Variants in PTPRN2 observed in about 807,000 individuals in gnomAD.
PTPRN2 encodes the protein receptor-type tyrosine-protein phosphatase N2.
PTPRN2 carries 74 observed loss-of-function variants against 118.8 expected under a neutral mutation model. That is an observed-to-expected ratio of 0.62 (90% CI 0.52 to 0.76). PTPRN2 has a LOEUF of 0.76. Ranked by LOEUF, PTPRN2 falls within the 30% of genes least tolerant of loss-of-function variation. PTPRN2 has a pLI of 0.00. For missense variants in PTPRN2, 1,481 were observed against 1,394.4 expected (o/e 1.06, Z -0.99); for synonymous variants, 641 against 608.0 (o/e 1.05, Z -0.80).
At chr7:157,721,053 C>T (rs1011383231) in intron 12 of PTPRN2, among the ~76,000 whole-genome samples, 3 of 152,204 alleles carry the variant, frequency 2.0e-5, no homozygotes, top group East Asian at 1.9e-4. Context: ...CTATCACAGC[C>T]GCTCAGGATG....
At chr7:157,908,919 C>G (rs529694523) in intron 11 of PTPRN2, among the ~76,000 whole-genome samples, 15 of 152,212 alleles carry the variant, frequency 9.9e-5, no homozygotes, top group Admixed American at 2.6e-4. Context: ...GAAAATACTT[C>G]TACATCTTGT....
chr7:157,976,967 G>C (rs940458798), intron 11 of PTPRN2, among the ~76,000 whole-genome samples: 2 of 151,790 alleles, frequency 1.3e-5, no homozygotes, highest in Non-Finnish European at 2.9e-5. Context: ...AAAGATAGCT[G>C]TCATGCCAGG....
At chr7:158,090,523 T>C (rs1563421639) in intron 10 of PTPRN2, among the ~76,000 whole-genome samples, 2 of 152,268 alleles carry the variant, frequency 1.3e-5, no homozygotes, top group Non-Finnish European at 2.9e-5. Context: ...GAGTTCTTTA[T>C]CACTCAGTGG....
At chr7:158,071,683 TG>T (rs1811777208) in intron 11 of PTPRN2, among the ~76,000 whole-genome samples, 1 of 133,232 alleles carries the variant, frequency 7.5e-6, no homozygotes, top group African/African-American at 2.8e-5. Flanking sequence ...GAGGTGCTCC[TG>T]GTGGAGGTGC....
At chr7:157,783,749 G>A (rs537781534) in intron 12 of PTPRN2, among the ~76,000 whole-genome samples, 18 of 151,856 alleles carry the variant, frequency 1.2e-4, no homozygotes, top group Non-Finnish European at 2.2e-4. Context: ...CACTTACTCG[G>A]AACAGGGACT....
chr7:158,014,417 A>G (rs1019046430), intron 11 of PTPRN2, among the ~76,000 whole-genome samples: 2 of 151,524 alleles, frequency 1.3e-5, no homozygotes, highest in African/African-American at 4.9e-5. Context: ...TCATCAAACA[A>G]TCCACCTGCT....
At chr7:158,586,900 G>A (rs1482744770) in intron 1 of PTPRN2, among the ~76,000 whole-genome samples, 1 of 152,140 alleles carries the variant, frequency 6.6e-6, no homozygotes, top group African/African-American at 2.4e-5. Context: ...GGAGTGCCGA[G>A]TGGCGGGGCT....
At chr7:158,324,158 C>G (rs1472777068) in intron 2 of PTPRN2, among the ~76,000 whole-genome samples, 1 of 152,152 alleles carries the variant, frequency 6.6e-6, no homozygotes, top group African/African-American at 2.4e-5. Flanking sequence ...CGCTCACACA[C>G]AGTCTCCGCA....
At chr7:158,168,071 G>C (rs993654161) in intron 5 of PTPRN2, among the ~76,000 whole-genome samples, 1 of 152,194 alleles carries the variant, frequency 6.6e-6, no homozygotes, top group Non-Finnish European at 1.5e-5. Flanking sequence ...CTCCCAAGCT[G>C]TTTTCCAGCA....
At chr7:157,577,151 A>C (rs1254070501) in intron 18 of PTPRN2, among the ~76,000 whole-genome samples, 2 of 152,242 alleles carry the variant, frequency 1.3e-5, no homozygotes, top group African/African-American at 4.8e-5. Context: ...CAGCGACACG[A>C]CTACATGTTC....
At chr7:158,168,660 G>A (rs560279574) in intron 5 of PTPRN2, among the ~76,000 whole-genome samples, 2 of 152,250 alleles carry the variant, frequency 1.3e-5, no homozygotes, top group South Asian at 2.1e-4. Context: ...TCTCTTGTTC[G>A]ATAATTACCT....
intron 11 of PTPRN2, among the ~76,000 whole-genome samples, chr7:157,932,686 G>A (rs1220661033): frequency 6.6e-6 from 1 of 151,992 alleles, no homozygotes. Context: ...ATCTTTAGAG[G>A]AGGAGTGTCA....
chr7:157,892,657 T>C (rs1351153692), intron 12 of PTPRN2, among the ~76,000 whole-genome samples: 1 of 152,076 alleles, frequency 6.6e-6, no homozygotes, highest in Non-Finnish European at 1.5e-5. Flanking sequence ...ACATTAAAAA[T>C]CAGAATCGTC....
intron 3 of PTPRN2, among the ~76,000 whole-genome samples, chr7:158,296,905 C>A (rs569754270): frequency 3.9e-5 from 6 of 152,206 alleles, no homozygotes; most frequent in Non-Finnish European, 7.3e-5. Flanking sequence ...GGGAAGACCA[C>A]AGGTGGACAC....
At position 158,205,321 on chromosome 7, in the gene PTPRN2, C is replaced by T. The variant is rs753889670; in HGVS notation, c.278-48G>A. The T allele has an allele frequency of 2.9e-6, 4 of 1,396,370 alleles. No homozygotes were observed. In the Admixed American group the frequency reaches 5.1e-5, roughly 18 times the overall value. The allele number at this position is 1,396,370 out of a possible 1,614,324, so 86.5% of individuals were successfully genotyped here. ...TTATGTCATCATTTTGGAAATTTAG[C>T]CAAAGCTCTTGCTTCAGTCTCACAA... is the stretch of plus-strand genomic sequence containing the variant. On this transcript the variant is annotated intron_variant, in intron 3 of 22. Transcript: ENST00000389418.
chr7:157,800,384 C>T (rs538247168), intron 12 of PTPRN2, among the ~76,000 whole-genome samples: 46 of 152,314 alleles, frequency 3.0e-4, no homozygotes, highest in South Asian at 1.9e-3. Flanking sequence ...CCCTTCTCCG[C>T]GACAAGGGGA....
chr7:158,205,249 G>T lies in PTPRN2; in HGVS notation c.302C>A (p.Thr101Asn). ...GTGFTWQDDY[T>N]QYVMDQELAD... The stretch of plus-strand genomic sequence containing the variant: ...AAGTTCCTGGTCCATCACATACTGA[G>T]TATAGTCATCCTGCCACGTGAAACC... The change falls in exon 4 of 23, where the codon ACT (threonine) becomes AAT (asparagine). Residue 101 changes from threonine to asparagine, a missense_variant. By Grantham distance (65) the Thr-to-Asn change is moderately conservative. Around this residue, in one of 3 missense-constraint regions of PTPRN2, gnomAD observed 1,115 missense variants for 994.2 expected, o/e 1.12. Coordinates refer to ENST00000389418, the MANE Select transcript of PTPRN2 (RefSeq NM_002847.5). 1 of 1,614,034 alleles carries T rather than the reference G, an allele frequency of 6.2e-7. No individual in the cohort carries two copies. Among genetic ancestry groups the T allele is most frequent in the East Asian group, 2.2e-5 (1 of 44,880 alleles).
chr7:157,875,678 C>G (rs1470655687), intron 12 of PTPRN2, among the ~76,000 whole-genome samples: 1 of 152,194 alleles, frequency 6.6e-6, no homozygotes, highest in Non-Finnish European at 1.5e-5. Flanking sequence ...GCAGCAGCAG[C>G]ACCTTGGGCC....
At chr7:157,918,479 C>A (rs1308805256) in intron 11 of PTPRN2, among the ~76,000 whole-genome samples, 1 of 152,160 alleles carries the variant, frequency 6.6e-6, no homozygotes, top group East Asian at 1.9e-4. Flanking sequence ...GTGAGGACGA[C>A]GCGTGGGAGC....
Sources: gnomAD v4.1 joint callset for allele counts (sites outside exome capture counted in the v4.1 genomes callset) on GRCh38, gnomAD v4.1.1 for gene constraint, gnomAD v4.1.1 regional missense constraint, MANE v1.5 for transcripts, NCBI Gene and HGNC (gene_info 2026-07-23, HGNC 2026-07-21) for gene names.